Variants in MYT1L observed in about 807,000 individuals in gnomAD.
MYT1L encodes myelin transcription factor 1 like.
MYT1L carries 12 observed loss-of-function variants against 126.7 expected under a neutral mutation model. That is an observed-to-expected ratio of 0.09 (90% CI 0.06 to 0.15). The LOEUF (loss-of-function observed/expected upper bound fraction) is 0.15, where lower values mean the gene tolerates loss of function less well. Among genes scored for constraint, MYT1L ranks in the 10% least tolerant of loss-of-function variants. MYT1L has a pLI of 1.00. For missense variants in MYT1L, 979 were observed against 1,585.2 expected (o/e 0.62, Z 6.49); for synonymous variants, 541 against 604.2 (o/e 0.90, Z 1.53).
intron 8 of MYT1L, among the ~76,000 whole-genome samples, chr2:1,962,887 G>A (rs374797763): frequency 2.0e-5 from 3 of 152,294 alleles, no homozygotes; most frequent in South Asian, 4.2e-4. Context: ...TCGTCCATGA[G>A]GGTTGCAATC....
At chr2:1,950,069 A>G (rs1369770293) in intron 8 of MYT1L, among the ~76,000 whole-genome samples, 3 of 151,904 alleles carry the variant, frequency 2.0e-5, no homozygotes, top group Non-Finnish European at 4.4e-5. Flanking sequence ...ATATACACAA[A>G]TTCATTAAAC....
intron 11 of MYT1L, among the ~76,000 whole-genome samples, chr2:1,915,029 TCGTGC>T (rs2052621283): frequency 2.0e-5 from 3 of 151,986 alleles, no homozygotes; most frequent in African/African-American, 7.2e-5. Flanking sequence ...AGCCCCGGCC[TCGTGC>T]AGAGCCCCGG....
chr2:1,886,474 A>ATTTTTTTTTT, intron 18 of MYT1L, 65 bp downstream of exon 18: 1 of 1,192,652 alleles, frequency 8.4e-7, no homozygotes, highest in Admixed American at 2.6e-5. Context: ...ATGACATATC[A>ATTTTTTTTTT]TTTTTTTTTG....
intron 9 of MYT1L, among the ~76,000 whole-genome samples, chr2:1,938,242 G>A (rs1377982288): frequency 6.6e-6 from 1 of 152,146 alleles, no homozygotes; most frequent in African/African-American, 2.4e-5. Flanking sequence ...TAGTGGACTG[G>A]AGTATGAACA....
intron 18 of MYT1L, among the ~76,000 whole-genome samples, chr2:1,860,617 T>A (rs1367371395): frequency 2.0e-5 from 3 of 152,232 alleles, no homozygotes; most frequent in East Asian, 1.9e-4. Flanking sequence ...TGCAGCTTGT[T>A]GCAGGGAATT....
chr2:2,236,859 G>A (rs2094334700), intron 2 of MYT1L, among the ~76,000 whole-genome samples: 1 of 145,954 alleles, frequency 6.9e-6, no homozygotes, highest in African/African-American at 2.5e-5. Flanking sequence ...TGTTGCCCAG[G>A]CTGGAATGCA....
Position 2,292,062 on chromosome 2 carries a change from G to A in MYT1L, c.-520-7559C>T, listed in dbSNP as rs372680017. Reference sequence around the variant, plus strand: ...CTCTCTGGGCCTGGGCCTCAGCTGCGTGGGCTCTGCTTCCCTCTGTTGGTG... The same window carrying A: ...CTCTCTGGGCCTGGGCCTCAGCTGCATGGGCTCTGCTTCCCTCTGTTGGTG... On this transcript the variant is annotated intron_variant, in intron 1 of 24. Transcript: ENST00000647738. 3.0e-4 allele frequency among the ~76,000 whole-genome samples: 45 copies of A among 152,318 alleles called. No individual in the cohort carries two copies. In the South Asian group the frequency reaches 7.0e-3, roughly 24 times the overall value.
chr2:2,297,096 G>A (rs566280817), intron 1 of MYT1L, among the ~76,000 whole-genome samples: 1 of 152,258 alleles, frequency 6.6e-6, no homozygotes, highest in Admixed American at 6.5e-5. Context: ...CACCTGCAAT[G>A]TCCCTGCTTC....
At chr2:2,308,377 C>A (rs1195688668) in intron 1 of MYT1L, among the ~76,000 whole-genome samples, 1 of 151,686 alleles carries the variant, frequency 6.6e-6, no homozygotes, top group African/African-American at 2.4e-5. Flanking sequence ...GTATATTGTA[C>A]CCATACTCCA....
chr2:1,876,137 C>T (rs893253389), intron 18 of MYT1L, among the ~76,000 whole-genome samples: 1 of 152,176 alleles, frequency 6.6e-6, no homozygotes, highest in African/African-American at 2.4e-5. Context: ...GAATGCTGTA[C>T]TCTCAGGTGA....
At chr2:1,815,226 G>C (rs1023110331) in intron 21 of MYT1L, among the ~76,000 whole-genome samples, 1 of 152,188 alleles carries the variant, frequency 6.6e-6, no homozygotes, top group Non-Finnish European at 1.5e-5. Context: ...GAGAGCCCGA[G>C]GTGAGGCCCC....
At chr2:1,980,319 T>C (rs1315310546) in intron 5 of MYT1L, among the ~76,000 whole-genome samples, 2 of 147,894 alleles carry the variant, frequency 1.4e-5, no homozygotes, top group South Asian at 2.1e-4. Flanking sequence ...TTTATATCTA[T>C]ATATACACAC....
chr2:2,090,494 T>C (rs1262919184), intron 3 of MYT1L, among the ~76,000 whole-genome samples: 1 of 152,150 alleles, frequency 6.6e-6, no homozygotes, highest in African/African-American at 2.4e-5. Flanking sequence ...CTTCAGGGAG[T>C]TGTCATCTCT....
intron 3 of MYT1L, among the ~76,000 whole-genome samples, chr2:2,105,246 C>A (rs2078608775): frequency 6.6e-6 from 1 of 152,160 alleles, no homozygotes; most frequent in Admixed American, 6.5e-5. Context: ...TGGACACCCC[C>A]TCTCTGTGCT....
intron 4 of MYT1L, among the ~76,000 whole-genome samples, chr2:2,033,095 G>A (rs1229376101): frequency 1.5e-4 from 18 of 122,634 alleles, no homozygotes; most frequent in African/African-American, 5.5e-4. Context: ...GCCCAGAGCA[G>A]ATTCTAGAAG....
At chr2:2,009,486 T>C (rs1449325698) in intron 4 of MYT1L, among the ~76,000 whole-genome samples, 2 of 152,262 alleles carry the variant, frequency 1.3e-5, no homozygotes, top group African/African-American at 2.4e-5. Flanking sequence ...GTTTTACTGA[T>C]TTATTTTCCA....
At chr2:2,280,163 T>C (rs10495484) in intron 2 of MYT1L, among the ~76,000 whole-genome samples, 4,318 of 152,334 alleles carry the variant, frequency 0.028, 233 homozygotes, top group East Asian at 0.23. Context: ...TTAGATTTTC[T>C]GAGAAGTTTT....
intron 3 of MYT1L, among the ~76,000 whole-genome samples, chr2:2,074,972 C>T (rs564107741): frequency 7.9e-5 from 12 of 152,244 alleles, no homozygotes; most frequent in South Asian, 4.1e-4. Flanking sequence ...TCCTTATAGA[C>T]GAATCACAAC....
chr2:2,095,345 G>T (rs747151545), intron 3 of MYT1L, among the ~76,000 whole-genome samples: 5 of 152,224 alleles, frequency 3.3e-5, no homozygotes, highest in Non-Finnish European at 5.9e-5. Flanking sequence ...GAGCCAGCAA[G>T]GGCCTGGTAT....
Sources: gnomAD v4.1 joint callset for allele counts (sites outside exome capture counted in the v4.1 genomes callset) on GRCh38, gnomAD v4.1.1 for gene constraint, MANE v1.5 for transcripts, NCBI Gene and HGNC (gene_info 2026-07-23, HGNC 2026-07-21) for gene names.